Variants in TRAPPC9 observed in about 807,000 individuals in gnomAD.
The protein encoded by TRAPPC9 is trafficking protein particle complex subunit 9.
Under a neutral mutation model 124.0 loss-of-function variants are expected in TRAPPC9, and 83 were observed. That is an observed-to-expected ratio of 0.67 (90% confidence interval 0.56 to 0.80). TRAPPC9 has a LOEUF of 0.80. Among genes scored for constraint, TRAPPC9 ranks in the 30% least tolerant of loss-of-function variants. TRAPPC9 has a pLI of 0.00. For missense variants in TRAPPC9, 1,302 were observed against 1,508.3 expected, an observed-to-expected ratio of 0.86 and a Z score of 2.27; for synonymous variants, 638 against 617.5, an observed-to-expected ratio of 1.03 and a Z score of -0.49.
intron 17 of TRAPPC9, among the ~76,000 whole-genome samples, chr8:140,174,828 C>T (rs1022096113): frequency 2.0e-4 from 30 of 152,154 alleles, no homozygotes; most frequent in African/African-American, 6.8e-4. Context: ...ACGGGCATTT[C>T]GGTTGTTTCC....
intron 4 of TRAPPC9, among the ~76,000 whole-genome samples, chr8:140,427,864 C>A (rs1209341705): frequency 1.3e-5 from 2 of 152,158 alleles, no homozygotes; most frequent in African/African-American, 4.8e-5. Context: ...AAATAAAAAA[C>A]AGGTGTTTTC....
At chr8:139,756,781 GT>G (rs2130300145) in intron 21 of TRAPPC9, among the ~76,000 whole-genome samples, 2 of 136,230 alleles carry the variant, frequency 1.5e-5, no homozygotes, top group Admixed American at 7.1e-5. Flanking sequence ...AGGAGCCAGG[GT>G]TTGGGGATGA....
At chr8:140,372,343 C>T (rs2132247429) in intron 7 of TRAPPC9, among the ~76,000 whole-genome samples, 1 of 152,340 alleles carries the variant, frequency 6.6e-6, no homozygotes, top group East Asian at 1.9e-4. Context: ...CTTGAACGCC[C>T]TTCCAACTTG....
intron 21 of TRAPPC9, among the ~76,000 whole-genome samples, chr8:139,741,381 G>A (rs756383834): frequency 2.6e-5 from 4 of 152,172 alleles, no homozygotes; most frequent in East Asian, 1.9e-4. Flanking sequence ...GACAGATGAC[G>A]CTCTTGAGGT....
intron 17 of TRAPPC9, among the ~76,000 whole-genome samples, chr8:140,207,879 A>G (rs7842938): frequency 0.29 from 44,863 of 152,152 alleles, 7,111 homozygotes; most frequent in East Asian, 0.58. Flanking sequence ...CAGGCTGGGC[A>G]CAGTGGCTCA....
chr8:140,458,484 GGAGGCACGT>G (rs1284889786), upstream of TRAPPC9: 2 of 1,574,514 alleles, frequency 1.3e-6, no homozygotes, highest in Non-Finnish European at 1.7e-6. Context: ...GCAGGGCCCG[GGAGGCACGT>G]GAGGTGCGAG....
chr8:139,790,898 G>A (rs559170215), intron 21 of TRAPPC9, among the ~76,000 whole-genome samples: 4 of 152,202 alleles, frequency 2.6e-5, no homozygotes, highest in South Asian at 2.1e-4. Flanking sequence ...GTGATTTCTC[G>A]AGAGGTCTGA....
chr8:140,433,248 T>G (rs1048033235), intron 4 of TRAPPC9, among the ~76,000 whole-genome samples: 1 of 151,052 alleles, frequency 6.6e-6, no homozygotes, highest in Non-Finnish European at 1.5e-5. Context: ...GCCGAGATCA[T>G]GCTGCTGCAC....
At chr8:140,296,456 G>A (rs149815667) in intron 11 of TRAPPC9, among the ~76,000 whole-genome samples, 1,976 of 152,236 alleles carry the variant, frequency 0.013, 39 homozygotes, top group African/African-American at 0.045. Context: ...TGTAGAGATG[G>A]GGTTTTGCCA....
At chr8:140,108,022 G>T (rs913935343) in intron 17 of TRAPPC9, among the ~76,000 whole-genome samples, 1 of 149,900 alleles carries the variant, frequency 6.7e-6, no homozygotes. Context: ...TAGATATGAG[G>T]ATACGTGTGT....
intron 17 of TRAPPC9, among the ~76,000 whole-genome samples, chr8:140,187,958 G>A (rs985457090): frequency 6.6e-6 from 1 of 152,234 alleles, no homozygotes; most frequent in Non-Finnish European, 1.5e-5. Context: ...CTTAAAAGCA[G>A]TGATGGGTCA....
chr8:140,367,080 G>A (rs955787479), intron 8 of TRAPPC9, among the ~76,000 whole-genome samples: 16 of 152,208 alleles, frequency 1.1e-4, no homozygotes, highest in African/African-American at 2.9e-4. Context: ...CCAAATGCTG[G>A]CAAGGATGTG....
intron 20 of TRAPPC9, among the ~76,000 whole-genome samples, chr8:139,906,334 G>A (rs919350846): frequency 6.6e-6 from 1 of 152,094 alleles, no homozygotes; most frequent in Non-Finnish European, 1.5e-5. Context: ...CTGGCCCTGG[G>A]CTCCTTGTGA....
intron 21 of TRAPPC9, among the ~76,000 whole-genome samples, chr8:139,841,079 G>A (rs1219121053): frequency 3.3e-5 from 5 of 152,160 alleles, no homozygotes; most frequent in East Asian, 1.9e-4. Context: ...TGGCAGGACC[G>A]CATTCCTCCT....
chr8:140,033,658 G>GTTTTTTGTTTTTTTTTTTTTTT, intron 17 of TRAPPC9, among the ~76,000 whole-genome samples: 1 of 42,364 alleles, frequency 2.4e-5, no homozygotes, highest in Non-Finnish European at 5.5e-5. Context: ...TCATAATGTG[G>GTTTTTTGTTTTTTTTTTTTTTT]TTTTTTTTTT....
intron 17 of TRAPPC9, among the ~76,000 whole-genome samples, chr8:140,065,703 T>C (rs146089784): frequency 6.6e-6 from 1 of 152,376 alleles, no homozygotes; most frequent in Non-Finnish European, 1.5e-5. Context: ...TTAAGCCATC[T>C]GTTGAAACCT....
intron 17 of TRAPPC9, among the ~76,000 whole-genome samples, chr8:140,134,072 G>T (rs1455630327): frequency 1.3e-5 from 2 of 151,718 alleles, no homozygotes; most frequent in Non-Finnish European, 2.9e-5. Flanking sequence ...ATTGCAAAAG[G>T]ACCCCAAATA....
intron 19 of TRAPPC9, among the ~76,000 whole-genome samples, chr8:139,955,165 G>T (rs1054685794): frequency 1.3e-5 from 2 of 152,042 alleles, no homozygotes; most frequent in African/African-American, 4.8e-5. Flanking sequence ...TCTGCCACCA[G>T]CTGCACCAGC....
chr8:140,142,632 A>G (rs903430465), intron 17 of TRAPPC9, among the ~76,000 whole-genome samples: 1 of 152,134 alleles, frequency 6.6e-6, no homozygotes, highest in African/African-American at 2.4e-5. Flanking sequence ...GTCTTCTCCT[A>G]TTTCCCCCAC....
Sources: gnomAD v4.1 joint callset for allele counts (sites outside exome capture counted in the v4.1 genomes callset) on GRCh38, gnomAD v4.1.1 for gene constraint, MANE v1.5 for transcripts, NCBI Gene and HGNC (gene_info 2026-07-23, HGNC 2026-07-21) for gene names.